LAMA2: variants seen among roughly 807,000 people sequenced by gnomAD.
LAMA2 encodes laminin subunit alpha-2.
In LAMA2, 269 loss-of-function variants were observed where a neutral mutation model predicts 364.8. The ratio of observed to expected loss-of-function variants is 0.74; its 90% CI spans 0.67 to 0.82. The LOEUF (loss-of-function observed/expected upper bound fraction) is 0.82, where lower values mean the gene tolerates loss of function less well. Among genes scored for constraint, LAMA2 ranks in the 40% least tolerant of loss-of-function variants. The probability of loss-of-function intolerance (pLI) is 0.00; values close to 1 mark genes in which losing one functional copy is unlikely to be tolerated. For missense variants in LAMA2, 3,807 were observed against 3,873.2 expected (o/e 0.98, Z 0.45); for synonymous variants, 1,379 against 1,370.6 (o/e 1.01, Z -0.14).
intron 9 of LAMA2, among the ~76,000 whole-genome samples, chr6:129,166,087 A>G (rs1779727829): frequency 6.6e-6 from 1 of 152,214 alleles, no homozygotes; most frequent in Non-Finnish European, 1.5e-5. Context: ...GGAAAAGCAA[A>G]TAGAAGAACT....
Position 129,516,206 on chromosome 6 carries a change from T to A in LAMA2, c.9228T>A (p.Phe3076Leu). The A allele has an allele frequency of 3.7e-6, 6 of 1,614,148 alleles. No individual in the cohort carries two copies. Among genetic ancestry groups the A allele is most frequent in the Middle Eastern group, 1.6e-4 (1 of 6,062 alleles). ...VGGFPDDLKQ[F>L]GLTTSIPFRG... ...CTTTTTCAGATGACCTCAAGCAGTT[T>A]GGCCTAACAACCAGTATTCCGTTCC... The change falls in exon 65 of 65, where the codon TTT becomes TTA. Residue 3076 changes from phenylalanine (F) to leucine (L), a missense_variant. Phe to Leu is a conservative substitution (Grantham distance 22, BLOSUM62 0). This residue lies in a region of LAMA2 where 3,333 missense variants were observed against 3,345.7 expected (regional missense o/e 1.00). Coordinates refer to ENST00000421865, the MANE Select transcript of LAMA2 (RefSeq NM_000426.4).
intron 45 of LAMA2, 149 bp downstream of exon 45, chr6:129,445,970 G>A (rs544498581): frequency 4.3e-6 from 3 of 693,072 alleles, no homozygotes; most frequent in East Asian, 2.7e-5. Context: ...GGGTTGGAGT[G>A]GGGGAGAGGT....
intron 34 of LAMA2, among the ~76,000 whole-genome samples, chr6:129,370,210 A>G (rs1171284983): frequency 6.6e-6 from 1 of 152,252 alleles, no homozygotes; most frequent in East Asian, 1.9e-4. Context: ...AATGGCTAAA[A>G]AGTCCAGAAT....
intron 40 of LAMA2, among the ~76,000 whole-genome samples, chr6:129,421,401 C>T (rs919777801): frequency 6.7e-6 from 1 of 150,370 alleles, no homozygotes; most frequent in African/African-American, 2.4e-5. Context: ...AAAAAAAAAA[C>T]CTCTAAAAAG....
intron 2 of LAMA2, among the ~76,000 whole-genome samples, chr6:129,059,334 G>A (rs2114794551): frequency 6.6e-6 from 1 of 152,226 alleles, no homozygotes; most frequent in East Asian, 1.9e-4. Context: ...GTGTCAGAAG[G>A]GCAAGTGTTC....
chr6:129,320,644 C>T lies in LAMA2; in HGVS notation c.4165C>T (p.Leu1389=). 1 of 1,605,602 alleles carries T rather than the reference C, an allele frequency of 6.2e-7. No homozygotes were observed. The highest frequency in any genetic ancestry group is 8.5e-7 in the Non-Finnish European group (1 of 1,172,342). ...TGATTGTCCCCTGGGCTATTCTGGCCTGTCCTGTGAGGTAAGCTACCTCCT... is the reference window on the plus strand; with the variant it reads ...TGATTGTCCCCTGGGCTATTCTGGCTTGTCCTGTGAGGTAAGCTACCTCCT... The part of the protein sequence containing the change: ...KCDCPLGYSG[L]SCEACLPGFY... Residue 1389 remains leucine (L), a synonymous_variant, in exon 28 of 65, where the codon CTG becomes TTG. Transcript: ENST00000421865.
chr6:128,946,048 C>T (rs957049711), intron 1 of LAMA2, among the ~76,000 whole-genome samples: 7 of 152,152 alleles, frequency 4.6e-5, no homozygotes, highest in African/African-American at 1.7e-4. Flanking sequence ...TAGGAGGCCT[C>T]TAGAAGCTGA....
intron 1 of LAMA2, among the ~76,000 whole-genome samples, chr6:128,960,777 C>T (rs1192493770): frequency 2.0e-5 from 3 of 151,972 alleles, no homozygotes; most frequent in South Asian, 4.2e-4. Flanking sequence ...TTCTTTTGTG[C>T]TTTGAGTAGT....
chr6:129,323,931 T>G (rs546419768), intron 28 of LAMA2, among the ~76,000 whole-genome samples: 20 of 152,250 alleles, frequency 1.3e-4, no homozygotes, highest in African/African-American at 4.3e-4. Flanking sequence ...AAGCTGTCCC[T>G]TGTGGCTATT....
At position 129,314,808 on chromosome 6, in the gene LAMA2, G is replaced by A. The variant is rs767221324; in HGVS notation, c.3555+10G>A. 5 of 1,613,754 alleles carry A rather than the reference G, an allele frequency of 3.1e-6. 1 individual carries two copies. The South Asian group carries it at 5.5e-5, about 18-fold the overall frequency. On this transcript the variant is annotated intron_variant, in intron 24 of 64. Coordinates refer to ENST00000421865, the MANE Select transcript of LAMA2 (RefSeq NM_000426.4). Reference sequence around the variant, plus strand: ...ACTGATCCGGACGTGGGTGAGTAGGGAACTGCTGAGCCATGTAATGGTATA... The same window carrying A: ...ACTGATCCGGACGTGGGTGAGTAGGAAACTGCTGAGCCATGTAATGGTATA...
chr6:129,381,674 AT>A (rs1356136948), intron 34 of LAMA2, among the ~76,000 whole-genome samples: 2 of 152,226 alleles, frequency 1.3e-5, no homozygotes, highest in Non-Finnish European at 2.9e-5. Context: ...TCCCAAAAAA[AT>A]TTTTAAATCC....
intron 3 of LAMA2, among the ~76,000 whole-genome samples, chr6:129,068,468 T>C (rs1479494457): frequency 1.3e-5 from 2 of 152,222 alleles, no homozygotes; most frequent in Non-Finnish European, 2.9e-5. Flanking sequence ...TTCTTCTTGC[T>C]GTAGCCTCAC....
rs1172802446 is a variant in LAMA2, at chr6:129,516,464, C to CTT, written c.*119_*120dup. The stretch of plus-strand genomic sequence containing the variant: ...CTAATTTGTGCATGTACATAGAATT[C>CTT]TTTCTGTATTCAGATGGTGCTAATT... On this transcript the variant is annotated 3_prime_UTR_variant, in exon 65 of 65. Coordinates refer to ENST00000421865, the MANE Select transcript of LAMA2 (RefSeq NM_000426.4). 2.8e-6 allele frequency: 3 copies of CTT among 1,068,834 alleles called. No homozygotes were observed. Among genetic ancestry groups the CTT allele is most frequent in the Non-Finnish European group, 4.2e-6 (3 of 711,966 alleles). 66.2% of individuals were successfully genotyped at this position (1,068,834 alleles called of 1,614,324 possible).
intron 4 of LAMA2, among the ~76,000 whole-genome samples, chr6:129,110,975 A>G (rs1484904741): frequency 6.6e-6 from 1 of 152,082 alleles, no homozygotes; most frequent in Non-Finnish European, 1.5e-5. Context: ...ACTTGAAAAT[A>G]CAACAAAGGA....
At chr6:129,321,226 T>C (rs545831403) in intron 28 of LAMA2, among the ~76,000 whole-genome samples, 3 of 152,308 alleles carry the variant, frequency 2.0e-5, no homozygotes, top group East Asian at 1.9e-4. Context: ...GCCTTCAAGA[T>C]TGTCAAATTT....
At chr6:129,088,986 T>G (rs1007711288) in intron 3 of LAMA2, among the ~76,000 whole-genome samples, 2 of 110,568 alleles carry the variant, frequency 1.8e-5, no homozygotes, top group African/African-American at 2.5e-5. Flanking sequence ...AGGTTGTAGC[T>G]AGCCGAGATC....
chr6:129,494,455 A>T (rs565622105), intron 58 of LAMA2, among the ~76,000 whole-genome samples: 23 of 152,370 alleles, frequency 1.5e-4, no homozygotes, highest in African/African-American at 5.5e-4. Context: ...TGCGGAAGTT[A>T]TCTGAAAACT....
chr6:129,108,951 A>G (rs1253222774), intron 4 of LAMA2, among the ~76,000 whole-genome samples: 2 of 152,192 alleles, frequency 1.3e-5, no homozygotes, highest in Non-Finnish European at 1.5e-5. Flanking sequence ...AGGAGATCCA[A>G]TAGAAGCTAC....
chr6:129,080,759 A>G (rs945323347), intron 3 of LAMA2, among the ~76,000 whole-genome samples: 1 of 152,200 alleles, frequency 6.6e-6, no homozygotes, highest in East Asian at 1.9e-4. Context: ...GCTGGAGAGG[A>G]TGTGGAGAAA....
Sources: allele counts gnomAD v4.1 joint callset (sites outside exome capture counted in the v4.1 genomes callset), GRCh38; gene constraint gnomAD v4.1.1; regional missense constraint gnomAD v4.1.1; transcripts MANE v1.5; gene names NCBI Gene and HGNC (gene_info 2026-07-23, HGNC 2026-07-21).